Variants in LARP1B observed in about 807,000 individuals in gnomAD.
The protein encoded by LARP1B is La ribonucleoprotein 1B.
A neutral mutation model predicts 114.2 loss-of-function variants in LARP1B; 76 were observed. The ratio of observed to expected loss-of-function variants is 0.67; its 90% CI spans 0.55 to 0.81. The LOEUF is 0.81. Among genes scored for constraint, LARP1B ranks in the 30% least tolerant of loss-of-function variants. LARP1B has a pLI of 0.00. For synonymous variants in LARP1B, 345 were observed against 348.0 expected (o/e 0.99, Z 0.10); for missense variants, 1,014 against 1,075.8 (o/e 0.94, Z 0.80).
intron 11 of LARP1B, among the ~76,000 whole-genome samples, chr4:128,139,335 G>T (rs1287847577): frequency 6.6e-6 from 1 of 151,992 alleles, no homozygotes; most frequent in African/African-American, 2.4e-5. Flanking sequence ...AGGCATTAAA[G>T]AATATCTGTA....
At chr4:128,196,944 C>G (rs1754364476) in intron 15 of LARP1B, among the ~76,000 whole-genome samples, 1 of 152,100 alleles carries the variant, frequency 6.6e-6, no homozygotes, top group Non-Finnish European at 1.5e-5. Flanking sequence ...AAGGTTGACA[C>G]AGAAGGATAA....
chr4:128,164,973 T>C (rs1317115665), intron 12 of LARP1B, among the ~76,000 whole-genome samples: 3 of 148,388 alleles, frequency 2.0e-5, no homozygotes, highest in Non-Finnish European at 4.5e-5. Flanking sequence ...TCTAAAAATA[T>C]AGGAAAAAAT....
rs917735689 is a variant in LARP1B at position 128,206,327 on chromosome 4, A to G, written c.2310-101A>G. The stretch of plus-strand genomic sequence containing the variant: ...TAAAAAATCTGAATGCTAAAATTTT[A>G]TTTTTTGTTTAGGATTAGTTGTGCC... On this transcript the variant is annotated intron_variant, in intron 17 of 19. Transcript: ENST00000326639. 64 of 630,242 alleles carry G rather than the reference A, an allele frequency of 1.0e-4. No homozygotes were observed. The African/African-American group carries it at 1.2e-3, about 11-fold the overall frequency. 39.0% of individuals were successfully genotyped at this position (630,242 alleles called of 1,614,324 possible). A position where few individuals can be genotyped will look rare whatever the true frequency, so the allele number is the denominator to read the frequency against.
intron 1 of LARP1B, among the ~76,000 whole-genome samples, chr4:128,073,306 C>A (rs940603178): frequency 1.3e-5 from 2 of 149,824 alleles, no homozygotes; most frequent in African/African-American, 4.9e-5. Context: ...ATCCCAGCTG[C>A]TTGGGAGGCT....
downstream of LARP1B, among the ~76,000 whole-genome samples, chr4:128,213,731 TC>T (rs1399049589): frequency 6.6e-6 from 1 of 152,196 alleles, no homozygotes; most frequent in Non-Finnish European, 1.5e-5. Flanking sequence ...CTCCTCCTCC[TC>T]CTTTTAAGAG....
At chr4:128,162,342 G>A in intron 12 of LARP1B, 25 bp downstream of exon 12, 1 of 1,602,992 alleles carries the variant, frequency 6.2e-7, no homozygotes, top group South Asian at 1.1e-5. Flanking sequence ...TTTTGTGTAA[G>A]TGTCTGAATA....
At chr4:128,065,258 T>TTTCTTTCC (rs1442709584) in intron 1 of LARP1B, among the ~76,000 whole-genome samples, 1 of 46,422 alleles carries the variant, frequency 2.2e-5, no homozygotes, top group African/African-American at 6.6e-5. Context: ...AATTAATTTC[T>TTTCTTTCC]TTCTTTCTTT....
chr4:128,185,392 CATT>C (rs1353050556), intron 15 of LARP1B, among the ~76,000 whole-genome samples: 1 of 152,060 alleles, frequency 6.6e-6, no homozygotes, highest in East Asian at 1.9e-4. Flanking sequence ...GATGCTTTAT[CATT>C]GTAGTTTTGA....
At chr4:128,114,051 G>T (rs888344250) in intron 9 of LARP1B, among the ~76,000 whole-genome samples, 4 of 152,158 alleles carry the variant, frequency 2.6e-5, no homozygotes, top group African/African-American at 9.7e-5. Flanking sequence ...AGTAGTAAAT[G>T]ACTACACTGC....
intron 4 of LARP1B, among the ~76,000 whole-genome samples, chr4:128,081,326 G>A (rs945246641): frequency 2.7e-5 from 4 of 148,788 alleles, no homozygotes; most frequent in African/African-American, 7.4e-5. Context: ...TTATCTGCCC[G>A]CTTCAGCCTC....
rs868528564 is a variant in LARP1B at position 128,117,631 on chromosome 4, G to A, written c.1161+2889G>A. On this transcript the variant is annotated intron_variant, in intron 10 of 19. Coordinates refer to ENST00000326639, the MANE Select transcript of LARP1B (RefSeq NM_018078.4). The stretch of plus-strand genomic sequence containing the variant: ...ACTCCTGACCTCAGGTGATCCACCC[G>A]CCTCGGCCTCCCAAAGTGCTGGGAT... 2.0e-4 allele frequency among the ~76,000 whole-genome samples: 30 copies of A among 151,976 alleles called. 1 individual carries two copies. Among genetic ancestry groups the A allele is most frequent in the Admixed American group, 1.4e-3 (22 of 15,250 alleles).
At chr4:128,153,342 A>G (rs1279229491) in intron 11 of LARP1B, among the ~76,000 whole-genome samples, 2 of 127,314 alleles carry the variant, frequency 1.6e-5, no homozygotes, top group Non-Finnish European at 1.6e-5. Context: ...TATGAGACAG[A>G]CTCTCAGTCT....
Position 128,110,546 on chromosome 4 carries a change from G to T in LARP1B, c.988+3233G>T, listed in dbSNP as rs566846782. 3.0e-3 allele frequency among the ~76,000 whole-genome samples: 450 copies of T among 148,628 alleles called. 4 individuals are homozygous for T. The highest frequency in any genetic ancestry group is 0.011 in the African/African-American group (432 of 40,540). ...CAAAAAATTAGCCGGGCGTAGTGGC[G>T]GGCGCCTGTAGTCCCAGCTACTTGG... On this transcript the variant is annotated intron_variant, in intron 9 of 19. Transcript: ENST00000326639.
At chr4:128,176,080 GTC>G (rs1211808566) in intron 12 of LARP1B, among the ~76,000 whole-genome samples, 2 of 144,918 alleles carry the variant, frequency 1.4e-5, no homozygotes, top group African/African-American at 2.5e-5. Context: ...GATTGTCTCT[GTC>G]TCTCTCTCTC....
In LARP1B at chr4:128,210,041, C is replaced by T. The variant is rs1211885431; in HGVS notation, c.2733C>T (p.Asp911=). Residue 911 remains aspartate (D), a synonymous_variant, in exon 20 of 20, where the codon GAC becomes GAT. Transcript: ENST00000326639. ...PRRNISPESS[D]NSH Reference sequence around the variant, plus strand: ...GGAATATTTCACCGGAGTCCAGTGACAATTCACATTAAACAGTGCTGCCTG... The same window carrying T: ...GGAATATTTCACCGGAGTCCAGTGATAATTCACATTAAACAGTGCTGCCTG... The T allele has an allele frequency of 6.2e-7, 1 of 1,613,948 alleles. No individual in the cohort carries two copies. The highest frequency in any genetic ancestry group is 1.7e-5 in the Admixed American group (1 of 60,012).
At chr4:128,090,851 A>G (rs2149571230) in intron 5 of LARP1B, 150 bp from the exon 6 acceptor site, 1 of 561,358 alleles carries the variant, frequency 1.8e-6, no homozygotes, top group South Asian at 2.7e-5. Flanking sequence ...TTCTTATTGG[A>G]TCTCTTCAGT....
At chr4:128,061,912 C>T in intron 1 of LARP1B, 3 of 985,238 alleles carry the variant, frequency 3.0e-6, no homozygotes, top group Non-Finnish European at 3.6e-6. Context: ...TGCTGGGACG[C>T]AGCGTGCCCC....
At chr4:128,085,382 A>G (rs1378767415) in intron 5 of LARP1B, among the ~76,000 whole-genome samples, 1 of 122,788 alleles carries the variant, frequency 8.1e-6, no homozygotes, top group Non-Finnish European at 1.7e-5. Flanking sequence ...TTTTTTAAAT[A>G]AGTGATGGGG....
chr4:128,203,382 CT>C (rs1241668405), intron 17 of LARP1B, among the ~76,000 whole-genome samples: 3 of 98,716 alleles, frequency 3.0e-5, no homozygotes, highest in Non-Finnish European at 5.7e-5. Flanking sequence ...CCCTTCCTTT[CT>C]TTTTTTCTTT....
Sources: allele counts gnomAD v4.1 joint callset (sites outside exome capture counted in the v4.1 genomes callset), GRCh38; gene constraint gnomAD v4.1.1; transcripts MANE v1.5; gene names NCBI Gene and HGNC (gene_info 2026-07-23, HGNC 2026-07-21).